NRG3: variants seen among roughly 807,000 people sequenced by gnomAD.
The protein encoded by NRG3 is pro-neuregulin-3, membrane-bound isoform.
In NRG3, 31 loss-of-function variants were observed where a neutral mutation model predicts 66.9. That is an observed-to-expected ratio of 0.46 (90% CI 0.35 to 0.63). The LOEUF is 0.63. Ranked by LOEUF, NRG3 falls within the 20% of genes least tolerant of loss-of-function variation. The pLI, the probability that NRG3 is intolerant of heterozygous loss-of-function variation, is 0.00. For missense variants in NRG3, 910 were observed against 878.9 expected, an observed-to-expected ratio of 1.04 and a Z score of -0.45; for synonymous variants, 393 against 359.4, an observed-to-expected ratio of 1.09 and a Z score of -1.06.
chr10:82,666,587 A>T (rs1456810397), intron 2 of NRG3, among the ~76,000 whole-genome samples: 6 of 152,158 alleles, frequency 3.9e-5, no homozygotes, highest in Non-Finnish European at 8.8e-5. Flanking sequence ...CCACCACCAT[A>T]GCCCAAGTTA....
chr10:82,556,457 A>G lies in NRG3; in HGVS notation c.954-182120A>G, dbSNP rs1438860437. 2.0e-5 allele frequency among the ~76,000 whole-genome samples: 3 copies of G among 152,112 alleles called. No homozygotes were observed. In the South Asian group the frequency reaches 6.2e-4, roughly 31 times the overall value. On this transcript the variant is annotated intron_variant, in intron 2 of 8. Transcript: ENST00000372141. ...ATCTCTCTCAGAGACTGCTGTAAGC[A>G]TGGGTATAGTGTGAGAAGTGGGCAT...
At chr10:82,913,608 C>T (rs1845541864) in intron 4 of NRG3, among the ~76,000 whole-genome samples, 1 of 152,172 alleles carries the variant, frequency 6.6e-6, no homozygotes, top group Non-Finnish European at 1.5e-5. Flanking sequence ...TTTCCATTAA[C>T]ATTTGAAATA....
chr10:82,354,249 G>C (rs1458432819), intron 1 of NRG3, among the ~76,000 whole-genome samples: 1 of 151,326 alleles, frequency 6.6e-6, no homozygotes, highest in Non-Finnish European at 1.5e-5. Context: ...CTATGTTGTC[G>C]AGGCTGGTCA....
chr10:81,921,864 A>C (rs1846283389), intron 1 of NRG3, among the ~76,000 whole-genome samples: 1 of 152,154 alleles, frequency 6.6e-6, no homozygotes, highest in Non-Finnish European at 1.5e-5. Flanking sequence ...CATTTATGTT[A>C]ATTTGAGAAG....
intron 2 of NRG3, among the ~76,000 whole-genome samples, chr10:82,368,268 G>A (rs1469716872): frequency 7.3e-6 from 1 of 137,896 alleles, no homozygotes; most frequent in Non-Finnish European, 1.5e-5. Flanking sequence ...TTCTTGATAG[G>A]TACTCAGAGT....
chr10:82,552,571 G>A (rs2044385576), intron 2 of NRG3, among the ~76,000 whole-genome samples: 1 of 152,098 alleles, frequency 6.6e-6, no homozygotes, highest in African/African-American at 2.4e-5. Context: ...AAATTAGAAA[G>A]CTGAAACACA....
intron 1 of NRG3, among the ~76,000 whole-genome samples, chr10:82,289,323 C>T (rs2079594315): frequency 6.6e-6 from 1 of 151,924 alleles, no homozygotes; most frequent in Non-Finnish European, 1.5e-5. Flanking sequence ...AAAATCCCTT[C>T]CCTCCTTCAG....
chr10:82,343,426 T>C (rs2082788051), intron 1 of NRG3, among the ~76,000 whole-genome samples: 1 of 152,124 alleles, frequency 6.6e-6, no homozygotes, highest in Non-Finnish European at 1.5e-5. Flanking sequence ...CACCCCATGC[T>C]CATGGATTTG....
At chr10:82,079,425 C>T (rs1292458814) in intron 1 of NRG3, among the ~76,000 whole-genome samples, 1 of 152,210 alleles carries the variant, frequency 6.6e-6, no homozygotes, top group Non-Finnish European at 1.5e-5. Flanking sequence ...TGCCCCCACA[C>T]ATGCACCACC....
At chr10:82,366,811 C>T (rs2084557865) in intron 2 of NRG3, among the ~76,000 whole-genome samples, 1 of 152,058 alleles carries the variant, frequency 6.6e-6, no homozygotes, top group South Asian at 2.1e-4. Flanking sequence ...TTAATTCTTT[C>T]CCAAAATAGT....
intron 2 of NRG3, among the ~76,000 whole-genome samples, chr10:82,539,108 A>G (rs951096556): frequency 6.6e-6 from 1 of 152,238 alleles, no homozygotes; most frequent in Non-Finnish European, 1.5e-5. Flanking sequence ...TTGAAACTAT[A>G]GTGATACAGC....
intron 2 of NRG3, among the ~76,000 whole-genome samples, chr10:82,612,772 T>A (rs1043395801): frequency 6.6e-6 from 1 of 152,212 alleles, no homozygotes; most frequent in African/African-American, 2.4e-5. Context: ...ACACTTGAAA[T>A]ACATATGCAA....
intron 2 of NRG3, among the ~76,000 whole-genome samples, chr10:82,395,705 T>C (rs568508188): frequency 6.6e-6 from 1 of 152,194 alleles, no homozygotes; most frequent in South Asian, 2.1e-4. Flanking sequence ...CATCCACCCA[T>C]CCATCCATCT....
chr10:82,218,513 A>G (rs1030773817), intron 1 of NRG3, among the ~76,000 whole-genome samples: 3 of 152,100 alleles, frequency 2.0e-5, no homozygotes, highest in African/African-American at 7.2e-5. Flanking sequence ...CGTCTATAAC[A>G]TATCCCCTTC....
chr10:82,523,975 C>T (rs559930386), intron 2 of NRG3, among the ~76,000 whole-genome samples: 80 of 152,138 alleles, frequency 5.3e-4, no homozygotes, highest in African/African-American at 1.8e-3. Context: ...ATCTTGTTTT[C>T]CCTTAAAGTT....
intron 2 of NRG3, among the ~76,000 whole-genome samples, chr10:82,569,932 A>G (rs1016106927): frequency 6.6e-6 from 1 of 151,506 alleles, no homozygotes; most frequent in African/African-American, 2.4e-5. Flanking sequence ...AAGTCTTGCA[A>G]TTTTCCAGTG....
intron 1 of NRG3, among the ~76,000 whole-genome samples, chr10:82,025,835 TTTTTG>T (rs1320472227): frequency 6.6e-6 from 1 of 152,108 alleles, no homozygotes; most frequent in East Asian, 1.9e-4. Flanking sequence ...TTTGGATAGT[TTTTTG>T]TTTTGTTTTG....
At chr10:81,990,041 T>C (rs1295040561) in intron 1 of NRG3, among the ~76,000 whole-genome samples, 2 of 152,164 alleles carry the variant, frequency 1.3e-5, no homozygotes. Context: ...GGAGAAAGTT[T>C]GAAGAGGCAA....
intron 1 of NRG3, among the ~76,000 whole-genome samples, chr10:82,343,035 C>A (rs907900684): frequency 6.6e-6 from 1 of 152,024 alleles, no homozygotes; most frequent in Non-Finnish European, 1.5e-5. Flanking sequence ...GTCCTCTCCC[C>A]AGTGTATATT....
Sources: gnomAD v4.1 joint callset for allele counts (sites outside exome capture counted in the v4.1 genomes callset) on GRCh38, gnomAD v4.1.1 for gene constraint, MANE v1.5 for transcripts, NCBI Gene and HGNC (gene_info 2026-07-23, HGNC 2026-07-21) for gene names.